SYT1: variants seen among roughly 807,000 people sequenced by gnomAD.
The protein encoded by SYT1 is synaptotagmin 1.
SYT1 carries 8 observed loss-of-function variants against 44.8 expected under a neutral mutation model. The ratio of observed to expected loss-of-function variants is 0.18; its 90% CI spans 0.10 to 0.32. SYT1 has a LOEUF of 0.32. SYT1 is among the 10% of genes least tolerant of loss of function. The pLI, the probability that SYT1 is intolerant of heterozygous loss-of-function variation, is 1.00. For missense variants in SYT1, 286 were observed against 509.3 expected, an observed-to-expected ratio of 0.56 and a Z score of 4.22; for synonymous variants, 154 against 188.8, an observed-to-expected ratio of 0.82 and a Z score of 1.51.
At chr12:79,448,692 G>A (rs1278504019) in intron 10 of SYT1, among the ~76,000 whole-genome samples, 2 of 152,120 alleles carry the variant, frequency 1.3e-5, no homozygotes, top group South Asian at 2.1e-4. Flanking sequence ...AATATTAATA[G>A]GATCTATTAT....
At chr12:79,038,550 T>C (rs538806539) in intron 2 of SYT1, among the ~76,000 whole-genome samples, 10 of 151,912 alleles carry the variant, frequency 6.6e-5, no homozygotes, top group Non-Finnish European at 1.3e-4. Flanking sequence ...TCAAAAGATA[T>C]GTAACAAAAT....
intron 1 of SYT1, among the ~76,000 whole-genome samples, chr12:78,871,561 A>G (rs2137035765): frequency 6.6e-6 from 1 of 152,088 alleles, no homozygotes; most frequent in South Asian, 2.1e-4. Flanking sequence ...TTCTAGAAAG[A>G]TTTTTAGACA....
chr12:79,293,227 G>A (rs1879679432), intron 6 of SYT1, among the ~76,000 whole-genome samples: 3 of 151,454 alleles, frequency 2.0e-5, no homozygotes, highest in Non-Finnish European at 2.9e-5. Context: ...AGGAGGCTGA[G>A]GCAGGAGAAT....
At chr12:79,020,983 CA>C (rs1396009201) in intron 2 of SYT1, among the ~76,000 whole-genome samples, 1 of 151,852 alleles carries the variant, frequency 6.6e-6, no homozygotes, top group Non-Finnish European at 1.5e-5. Context: ...AAACTTTTAA[CA>C]AAATTGCATT....
At chr12:79,175,970 C>T (rs577302213) in intron 3 of SYT1, among the ~76,000 whole-genome samples, 1 of 152,112 alleles carries the variant, frequency 6.6e-6, no homozygotes, top group African/African-American at 2.4e-5. Flanking sequence ...CACTATTGGT[C>T]CTTAAACTGT....
chr12:79,071,010 G>A (rs1004818475), intron 3 of SYT1, among the ~76,000 whole-genome samples: 4 of 151,960 alleles, frequency 2.6e-5, no homozygotes, highest in African/African-American at 7.2e-5. Context: ...CTCAAACCTC[G>A]GTTCCCCTCT....
At chr12:79,259,241 A>G (rs1877698391) in intron 4 of SYT1, among the ~76,000 whole-genome samples, 1 of 152,222 alleles carries the variant, frequency 6.6e-6, no homozygotes, top group Admixed American at 6.5e-5. Context: ...AATGTCTAGA[A>G]TTAATATTTA....
chr12:78,877,867 G>T (rs1874258810), intron 1 of SYT1, among the ~76,000 whole-genome samples: 1 of 151,792 alleles, frequency 6.6e-6, no homozygotes, highest in Non-Finnish European at 1.5e-5. Context: ...GGGTTGAAGA[G>T]ATCTCCCTGA....
chr12:79,306,684 T>C (rs73351060), intron 8 of SYT1, among the ~76,000 whole-genome samples: 1,617 of 152,314 alleles, frequency 0.011, 30 homozygotes, highest in African/African-American at 0.037. Flanking sequence ...AAGTATTAGG[T>C]TTTCTTTTTA....
At chr12:78,996,516 CT>C (rs1870392180) in intron 2 of SYT1, among the ~76,000 whole-genome samples, 1 of 152,160 alleles carries the variant, frequency 6.6e-6, no homozygotes, top group Non-Finnish European at 1.5e-5. Flanking sequence ...TTAAACTTCC[CT>C]TGATTGTTAT....
At chr12:79,426,024 A>G (rs1199040585) in intron 9 of SYT1, among the ~76,000 whole-genome samples, 3 of 152,124 alleles carry the variant, frequency 2.0e-5, no homozygotes, top group Non-Finnish European at 4.4e-5. Flanking sequence ...GTGGCCTTCA[A>G]ATTAAGTAAA....
intron 2 of SYT1, among the ~76,000 whole-genome samples, chr12:78,990,795 G>A (rs757024409): frequency 2.0e-5 from 3 of 152,134 alleles, no homozygotes; most frequent in Admixed American, 6.6e-5. Flanking sequence ...CACATGTGCC[G>A]GTTATTCAAG....
At chr12:79,179,466 G>GATATAGATATAGAGATATAGATATATCT (rs1872325204) in intron 3 of SYT1, among the ~76,000 whole-genome samples, 1 of 3,646 alleles carries the variant, frequency 2.7e-4, no homozygotes, top group Non-Finnish European at 7.7e-4. Flanking sequence ...AATCTATATA[G>GATATAGATATAGAGATATAGATATATCT]ATATAGATAT....
chr12:78,944,135 G>A (rs910158309), intron 1 of SYT1, among the ~76,000 whole-genome samples: 3 of 151,468 alleles, frequency 2.0e-5, no homozygotes, highest in African/African-American at 7.3e-5. Context: ...TCTCTGGGAA[G>A]GAATATACGC....
At chr12:79,428,424 C>G (rs987456754) in intron 9 of SYT1, among the ~76,000 whole-genome samples, 1 of 152,122 alleles carries the variant, frequency 6.6e-6, no homozygotes, top group Non-Finnish European at 1.5e-5. Context: ...CCAAAATGAT[C>G]CCATGATGAT....
At chr12:78,875,806 T>A (rs77661441) in intron 1 of SYT1, among the ~76,000 whole-genome samples, 1 of 151,664 alleles carries the variant, frequency 6.6e-6, no homozygotes, top group African/African-American at 2.4e-5. Context: ...AAATGTATTC[T>A]CAGATGTCTT....
intron 3 of SYT1, among the ~76,000 whole-genome samples, chr12:79,214,386 G>A (rs1367608003): frequency 6.6e-6 from 1 of 151,984 alleles, no homozygotes; most frequent in Admixed American, 6.6e-5. Context: ...GGATTGGTTT[G>A]GAAATTATAG....
chr12:79,206,560 G>A (rs957054647), intron 3 of SYT1, among the ~76,000 whole-genome samples: 2 of 152,188 alleles, frequency 1.3e-5, no homozygotes, highest in Non-Finnish European at 2.9e-5. Context: ...AATGTATTCA[G>A]TTGAGTGTTT....
intron 4 of SYT1, among the ~76,000 whole-genome samples, chr12:79,236,563 T>C (rs138271213): frequency 6.6e-6 from 1 of 152,348 alleles, no homozygotes; most frequent in East Asian, 1.9e-4. Flanking sequence ...ATTACTCATT[T>C]AATATACTTT....
Sources: gnomAD v4.1 joint callset for allele counts (sites outside exome capture counted in the v4.1 genomes callset) on GRCh38, gnomAD v4.1.1 for gene constraint, MANE v1.5 for transcripts, NCBI Gene and HGNC (gene_info 2026-07-23, HGNC 2026-07-21) for gene names.